Variants in PCSK5 observed in about 807,000 individuals in gnomAD.
The protein encoded by PCSK5 is proprotein convertase subtilisin/kexin type 5.
A neutral mutation model predicts 233.2 loss-of-function variants in PCSK5; 129 were observed. The ratio of observed to expected loss-of-function variants is 0.55; its 90% CI spans 0.48 to 0.64. The LOEUF (loss-of-function observed/expected upper bound fraction) is 0.64. Among genes scored for constraint, PCSK5 ranks in the 30% least tolerant of loss-of-function variants. The pLI, the probability that PCSK5 is intolerant of heterozygous loss-of-function variation, is 0.00. For missense variants in PCSK5, 2,076 were observed against 2,430.1 expected (o/e 0.85, Z 3.06); for synonymous variants, 825 against 879.2 (o/e 0.94, Z 1.09).
In PCSK5 at chr9:76,095,822, A is replaced by G. The variant is rs144198818; in HGVS notation, c.895-68A>G. On this transcript the variant is annotated intron_variant, in intron 7 of 37. Coordinates refer to ENST00000674117, the MANE Select transcript of PCSK5 (RefSeq NM_001372043.1). ...CACCTGCACCTACTCAGTTTGGCTCAGTGGATTCTGACCTCTTCATTTAGA... is the reference window on the plus strand; with the variant it reads ...CACCTGCACCTACTCAGTTTGGCTCGGTGGATTCTGACCTCTTCATTTAGA... 196 of 1,409,624 alleles carry G rather than the reference A, an allele frequency of 1.4e-4. No individual in the cohort carries two copies. The African/African-American group carries it at 2.5e-3, about 18-fold the overall frequency. The allele number at this position is 1,409,624 out of a possible 1,614,324, so 87.3% of individuals were successfully genotyped here.
chr9:76,188,746 C>T, intron 18 of PCSK5, 71 bp downstream of exon 18: 1 of 1,038,268 alleles, frequency 9.6e-7, no homozygotes, highest in Non-Finnish European at 1.5e-6. Flanking sequence ...TGGGCCATCA[C>T]TCATGCAACC....
At chr9:76,189,565 G>T in intron 19 of PCSK5, 66 bp from the exon 20 acceptor site, 1 of 925,362 alleles carries the variant, frequency 1.1e-6, no homozygotes, top group South Asian at 1.4e-5. Flanking sequence ...TTATGAGGTT[G>T]CTAGTAAACA....
intron 24 of PCSK5, among the ~76,000 whole-genome samples, chr9:76,281,418 T>G (rs2131388187): frequency 6.6e-6 from 1 of 152,318 alleles, no homozygotes; most frequent in South Asian, 2.1e-4. Flanking sequence ...GGTCCATAAA[T>G]GAAACAAGGC....
At chr9:75,902,084 C>T (rs1307456050) in intron 1 of PCSK5, among the ~76,000 whole-genome samples, 3 of 151,554 alleles carry the variant, frequency 2.0e-5, no homozygotes, top group Non-Finnish European at 2.9e-5. Context: ...GGTGTGGTGT[C>T]GAGCGTCTGT....
chr9:76,242,968 C>G (rs1826475969), intron 24 of PCSK5, among the ~76,000 whole-genome samples: 1 of 152,188 alleles, frequency 6.6e-6, no homozygotes, highest in African/African-American at 2.4e-5. Flanking sequence ...TGAACTCCTT[C>G]AGGTTCAGTG....
At chr9:75,979,853 T>C (rs1175805064) in intron 2 of PCSK5, among the ~76,000 whole-genome samples, 3 of 152,234 alleles carry the variant, frequency 2.0e-5, no homozygotes, top group African/African-American at 7.2e-5. Flanking sequence ...ACTTTTTGCA[T>C]CATTTAACTT....
At chr9:76,215,656 T>C (rs1825497539) in intron 20 of PCSK5, among the ~76,000 whole-genome samples, 1 of 152,124 alleles carries the variant, frequency 6.6e-6, no homozygotes, top group Non-Finnish European at 1.5e-5. Flanking sequence ...GTGTGGTGGC[T>C]CATGCCTGTA....
chr9:76,202,044 T>A (rs1824934769), intron 20 of PCSK5, among the ~76,000 whole-genome samples: 2 of 152,206 alleles, frequency 1.3e-5, no homozygotes, highest in Non-Finnish European at 2.9e-5. Context: ...TAATAAAAGC[T>A]AAACTATGAA....
chr9:76,189,970 AG>A (rs751134734), intron 20 of PCSK5, among the ~76,000 whole-genome samples: 11 of 152,256 alleles, frequency 7.2e-5, no homozygotes, highest in Non-Finnish European at 1.6e-4. Context: ...ATATGGCTCA[AG>A]TTAATTTTTT....
intron 20 of PCSK5, among the ~76,000 whole-genome samples, chr9:76,196,064 C>G (rs538969475): frequency 1.3e-5 from 2 of 152,022 alleles, no homozygotes; most frequent in African/African-American, 4.8e-5. Context: ...GAGTGAGAAA[C>G]AGCAATGTAA....
intron 13 of PCSK5, among the ~76,000 whole-genome samples, chr9:76,173,108 GCT>G (rs1370302263): frequency 6.6e-6 from 1 of 152,312 alleles, no homozygotes; most frequent in East Asian, 1.9e-4. Flanking sequence ...AACCTCTGTA[GCT>G]CTGTTTCCTC....
At chr9:76,105,445 G>C (rs1831938625) in intron 8 of PCSK5, among the ~76,000 whole-genome samples, 1 of 152,152 alleles carries the variant, frequency 6.6e-6, no homozygotes, top group Non-Finnish European at 1.5e-5. Context: ...AAAGCCTAGT[G>C]ATATTGTACA....
chr9:76,332,820 T>C (rs916398503), intron 34 of PCSK5, among the ~76,000 whole-genome samples: 2 of 152,130 alleles, frequency 1.3e-5, no homozygotes, highest in Non-Finnish European at 2.9e-5. Context: ...AAGGGTCAGA[T>C]TGTCAAGCCG....
chr9:76,351,468 GA>G (rs1296650541), intron 36 of PCSK5, among the ~76,000 whole-genome samples: 1 of 52,112 alleles, frequency 1.9e-5, no homozygotes, highest in Admixed American at 2.6e-4. Context: ...AAGAAAGAAA[GA>G]AAGAAAGAAA....
intron 9 of PCSK5, among the ~76,000 whole-genome samples, chr9:76,125,728 T>C (rs1832824022): frequency 6.6e-6 from 1 of 152,090 alleles, no homozygotes; most frequent in Non-Finnish European, 1.5e-5. Context: ...AAGTTAGCAG[T>C]CAAGATGTTG....
chr9:76,277,653 A>G (rs1220235419), intron 24 of PCSK5, among the ~76,000 whole-genome samples: 1 of 152,220 alleles, frequency 6.6e-6, no homozygotes, highest in Non-Finnish European at 1.5e-5. Context: ...GATGAGGACA[A>G]CATGATTGAA....
rs149048051 is a variant in PCSK5 at position 76,209,629 on chromosome 9, A to G, written c.2627-17874A>G. The G allele has an allele frequency of 6.5e-4, 307 of 473,120 alleles. 2 individuals carry two copies. Among genetic ancestry groups the G allele is most frequent in the African/African-American group, 5.0e-3 (257 of 51,046 alleles). The allele number at this position is 473,120 out of a possible 1,614,324, so 29.3% of individuals were successfully genotyped here. A position where few individuals can be genotyped will look rare whatever the true frequency, so the allele number is the denominator to read the frequency against. On this transcript the variant is annotated intron_variant, in intron 20 of 37. Transcript: ENST00000674117. The stretch of plus-strand genomic sequence containing the variant: ...CCAATAGTCAACTTATTTATTTACC[A>G]AAATGTTTCGATCACTTCACCACAT...
At chr9:75,986,056 A>C (rs2131392918) in intron 2 of PCSK5, 76 bp from the exon 3 acceptor site, 1 of 846,922 alleles carries the variant, frequency 1.2e-6, no homozygotes, top group East Asian at 2.4e-5. Flanking sequence ...TTACAATGGG[A>C]AATGCCTCAG....
intron 10 of PCSK5, among the ~76,000 whole-genome samples, chr9:76,150,460 C>T (rs1207177756): frequency 6.6e-6 from 1 of 152,048 alleles, no homozygotes; most frequent in African/African-American, 2.4e-5. Flanking sequence ...ATGGTGAAAC[C>T]CCATCTCTAC....
Sources: allele counts gnomAD v4.1 joint callset (sites outside exome capture counted in the v4.1 genomes callset), GRCh38; gene constraint gnomAD v4.1.1; transcripts MANE v1.5; gene names NCBI Gene and HGNC (gene_info 2026-07-23, HGNC 2026-07-21).